The following ERBB4 variants were observed in gnomAD, a reference collection of about 807,000 sequenced individuals.
The protein encoded by ERBB4 is receptor tyrosine-protein kinase erbB-4.
Under a neutral mutation model 158.0 loss-of-function variants are expected in ERBB4, and 42 were observed. The observed-to-expected ratio is 0.27, with a 90% CI of 0.21 to 0.34. The LOEUF (loss-of-function observed/expected upper bound fraction) is 0.34. Among genes scored for constraint, ERBB4 ranks in the 10% least tolerant of loss-of-function variants. The pLI, the probability that ERBB4 is intolerant of heterozygous loss-of-function variation, is 1.00. For missense variants in ERBB4, 1,333 were observed against 1,624.1 expected (o/e 0.82, Z 3.08); for synonymous variants, 583 against 558.7 (o/e 1.04, Z -0.61).
At chr2:212,501,955 AAAAT>A (rs1400494828) in intron 1 of ERBB4, among the ~76,000 whole-genome samples, 7 of 152,214 alleles carry the variant, frequency 4.6e-5, no homozygotes, top group Admixed American at 6.5e-5. Flanking sequence ...TTCAGTTATT[AAAAT>A]AAATATTTTA....
intron 3 of ERBB4, among the ~76,000 whole-genome samples, chr2:211,881,255 TG>T (rs1237988787): frequency 6.6e-6 from 1 of 152,192 alleles, no homozygotes; most frequent in Non-Finnish European, 1.5e-5. Flanking sequence ...GCAAAGGTCA[TG>T]GTGATACAGG....
At chr2:212,478,452 A>G (rs1689517550) in intron 1 of ERBB4, among the ~76,000 whole-genome samples, 1 of 151,976 alleles carries the variant, frequency 6.6e-6, no homozygotes, top group Non-Finnish European at 1.5e-5. Flanking sequence ...AAGCACAAGC[A>G]AAAGTTATGA....
intron 19 of ERBB4, among the ~76,000 whole-genome samples, chr2:211,593,937 C>T (rs1251743769): frequency 2.0e-5 from 3 of 152,164 alleles, no homozygotes; most frequent in Admixed American, 1.3e-4. Flanking sequence ...CGTTCCAGCA[C>T]CACAGCTACC....
intron 20 of ERBB4, among the ~76,000 whole-genome samples, chr2:211,497,483 T>TA (rs137932023): frequency 5.3e-5 from 8 of 151,836 alleles, no homozygotes; most frequent in Admixed American, 3.3e-4. Context: ...TGGCAACCTA[T>TA]AAAAAAAATC....
At chr2:212,237,513 C>T (rs985849974) in intron 1 of ERBB4, among the ~76,000 whole-genome samples, 2 of 152,114 alleles carry the variant, frequency 1.3e-5, no homozygotes, top group Non-Finnish European at 2.9e-5. Context: ...AGGTGTCTGT[C>T]GACTCCTGCT....
chr2:212,018,162 C>T (rs2076569232), intron 2 of ERBB4, among the ~76,000 whole-genome samples: 1 of 152,084 alleles, frequency 6.6e-6, no homozygotes, highest in Non-Finnish European at 1.5e-5. Context: ...CCAGATGTTT[C>T]ATTAAAAGTA....
chr2:211,885,900 A>G (rs2078787338), intron 3 of ERBB4, among the ~76,000 whole-genome samples: 1 of 152,214 alleles, frequency 6.6e-6, no homozygotes, highest in African/African-American at 2.4e-5. Context: ...AACTCTCAGT[A>G]TTTAGAGAAA....
At chr2:212,004,768 A>G (rs2076220783) in intron 2 of ERBB4, among the ~76,000 whole-genome samples, 1 of 152,222 alleles carries the variant, frequency 6.6e-6, no homozygotes, top group African/African-American at 2.4e-5. Flanking sequence ...AAATATATGT[A>G]TTAATATTTG....
intron 1 of ERBB4, among the ~76,000 whole-genome samples, chr2:212,158,464 C>G (rs1246478058): frequency 6.6e-6 from 1 of 151,926 alleles, no homozygotes; most frequent in Non-Finnish European, 1.5e-5. Flanking sequence ...GTTCCCTACC[C>G]CTTCTCATCT....
intron 2 of ERBB4, among the ~76,000 whole-genome samples, chr2:212,026,807 G>A (rs1414143947): frequency 5.3e-5 from 8 of 151,566 alleles, no homozygotes; most frequent in Non-Finnish European, 1.0e-4. Context: ...ATGACATCAA[G>A]TATAACCTCT....
chr2:211,902,171 G>C (rs1260419669), intron 3 of ERBB4, among the ~76,000 whole-genome samples: 1 of 151,788 alleles, frequency 6.6e-6, no homozygotes, highest in Non-Finnish European at 1.5e-5. Context: ...CTTTGAGCAG[G>C]GATTACCCCT....
At chr2:211,459,639 TTC>T (rs2064478510) in intron 20 of ERBB4, among the ~76,000 whole-genome samples, 1 of 152,190 alleles carries the variant, frequency 6.6e-6, no homozygotes, top group Non-Finnish European at 1.5e-5. Context: ...TTGGCTCTCA[TTC>T]TCTCTTTGCC....
At chr2:211,700,051 A>G (rs995077663) in intron 12 of ERBB4, among the ~76,000 whole-genome samples, 1 of 152,104 alleles carries the variant, frequency 6.6e-6, no homozygotes, top group African/African-American at 2.4e-5. Context: ...ATTCTTTTAT[A>G]TATTTCTTTA....
intron 20 of ERBB4, among the ~76,000 whole-genome samples, chr2:211,489,263 A>G (rs572898377): frequency 1.3e-5 from 2 of 152,154 alleles, no homozygotes; most frequent in East Asian, 3.9e-4. Flanking sequence ...TCTAACTGCA[A>G]CAGTTCATTA....
At chr2:212,321,631 A>G (rs80042399) in intron 1 of ERBB4, among the ~76,000 whole-genome samples, 4,043 of 150,696 alleles carry the variant, frequency 0.027, 207 homozygotes, top group African/African-American at 0.079. Flanking sequence ...CAAGGCTGCA[A>G]TAAACTAGGA....
chr2:212,020,153 G>C (rs1232165063), intron 2 of ERBB4, among the ~76,000 whole-genome samples: 1 of 151,948 alleles, frequency 6.6e-6, no homozygotes, highest in Non-Finnish European at 1.5e-5. Flanking sequence ...TTCTGCTTGG[G>C]ATATAAGACA....
intron 2 of ERBB4, among the ~76,000 whole-genome samples, chr2:212,092,296 T>C (rs935510196): frequency 6.6e-6 from 1 of 152,176 alleles, no homozygotes; most frequent in Non-Finnish European, 1.5e-5. Context: ...ACATCAGATA[T>C]TACACTGACT....
At chr2:211,427,665 A>G (rs1042479928) in intron 22 of ERBB4, among the ~76,000 whole-genome samples, 1 of 152,152 alleles carries the variant, frequency 6.6e-6, no homozygotes, top group Non-Finnish European at 1.5e-5. Flanking sequence ...TTGTTATGAC[A>G]ATAATCTGTT....
At chr2:211,703,066 T>C (rs1213947385) in intron 11 of ERBB4, among the ~76,000 whole-genome samples, 2 of 152,146 alleles carry the variant, frequency 1.3e-5, no homozygotes, top group African/African-American at 4.8e-5. Context: ...TTATTTATAG[T>C]TTTAAATATT....
Sources: gnomAD v4.1 joint callset for allele counts (sites outside exome capture counted in the v4.1 genomes callset) on GRCh38, gnomAD v4.1.1 for gene constraint, MANE v1.5 for transcripts, NCBI Gene and HGNC (gene_info 2026-07-23, HGNC 2026-07-21) for gene names.